The following NDUFS1 variants were observed in gnomAD, a reference collection of about 807,000 sequenced individuals.
NDUFS1 encodes the protein NADH:ubiquinone oxidoreductase core subunit S1, also known as NADH-ubiquinone oxidoreductase 75 kDa subunit, mitochondrial.
Under a neutral mutation model 84.4 loss-of-function variants are expected in NDUFS1, and 61 were observed. The ratio of observed to expected loss-of-function variants is 0.72; its 90% CI spans 0.59 to 0.89. NDUFS1 has a LOEUF of 0.89. NDUFS1 is among the 40% of genes least tolerant of loss of function. NDUFS1 has a pLI of 0.00. For synonymous variants in NDUFS1, 275 were observed against 290.0 expected (o/e 0.95, Z 0.53); for missense variants, 891 against 890.0 (o/e 1.00, Z -0.01).
chr2:206,153,326 G>C (rs1351392156), intron 2 of NDUFS1, among the ~76,000 whole-genome samples: 1 of 151,712 alleles, frequency 6.6e-6, no homozygotes, highest in East Asian at 1.9e-4. Context: ...CTCCTGTGTA[G>C]CTGGGATTAC....
At chr2:206,126,654 T>C in intron 17 of NDUFS1, 43 bp from the exon 18 acceptor site, 1 of 1,614,086 alleles carries the variant, frequency 6.2e-7, no homozygotes, top group African/African-American at 1.3e-5. Context: ...GGAAAACTAG[T>C]ACTGTTACAC....
chr2:206,116,409 C>A lies in NDUFS1; in HGVS notation c.*7776G>T. On this transcript the variant is annotated 3_prime_UTR_variant, in exon 19 of 19. Transcript: ENST00000233190. Reference sequence around the variant, plus strand: ...CCAGACGGCGCCCATCCCAAGCTGCCAGGGCCTCGATAGGCAGGGCGCGGC... The same window carrying A: ...CCAGACGGCGCCCATCCCAAGCTGCAAGGGCCTCGATAGGCAGGGCGCGGC... 1.2e-6 allele frequency: 1 copy of A among 812,176 alleles called. No homozygotes were observed. The highest frequency in any genetic ancestry group is 2.1e-6 in the Non-Finnish European group (1 of 479,316). 50.3% of individuals were successfully genotyped at this position (812,176 alleles called of 1,614,324 possible).
Position 206,127,842 on chromosome 2 carries a change from A to G in NDUFS1, c.1839T>C (p.Pro613=), listed in dbSNP as rs1370146879. ...TTTTCCAGTCTTCTCTTGCCAAGCCAGGAGGTGTCACTGCTACCTTAGTCT... is the reference window on the plus strand; with the variant it reads ...TTTTCCAGTCTTCTCTTGCCAAGCCGGGAGGTGTCACTGCTACCTTAGTCT... ...AQQTKVAVTP[P]GLAREDWKII... is the part of the protein sequence containing the mutation. Residue 613 remains proline, a synonymous_variant, in exon 16 of 19, where the codon CCT becomes CCC. Coordinates refer to ENST00000233190, the MANE Select transcript of NDUFS1 (RefSeq NM_005006.7). The G allele has an allele frequency of 1.2e-6, 2 of 1,614,150 alleles. No individual in the cohort carries two copies. The highest frequency in any genetic ancestry group is 1.7e-5 in the Admixed American group (1 of 60,020).
chr2:206,143,944 A>T, intron 10 of NDUFS1, 74 bp downstream of exon 10: 1 of 1,170,818 alleles, frequency 8.5e-7, no homozygotes, highest in Non-Finnish European at 1.2e-6. Flanking sequence ...AGAAATATAC[A>T]TCCCCCCCTT....
rs1489553001 is a variant in NDUFS1 at position 206,140,340 on chromosome 2, C to A, written c.1262+1601G>T. On this transcript the variant is annotated intron_variant, in intron 12 of 18. Coordinates refer to ENST00000233190, the MANE Select transcript of NDUFS1 (RefSeq NM_005006.7). Reference sequence around the variant, plus strand: ...CCTTAGCCTGTGTGGCAGAGCAAGACCCCTAACACAAAAACTAGCTGGACG... The same window carrying A: ...CCTTAGCCTGTGTGGCAGAGCAAGAACCCTAACACAAAAACTAGCTGGACG... Among the ~76,000 whole-genome samples the A allele has an allele frequency of 2.6e-5, 4 of 152,054 alleles. No individual in the cohort carries two copies. In the East Asian group the frequency reaches 7.8e-4, roughly 30 times the overall value.
intron 18 of NDUFS1, among the ~76,000 whole-genome samples, chr2:206,125,884 T>C (rs888102642): frequency 2.0e-5 from 3 of 152,160 alleles, no homozygotes; most frequent in Non-Finnish European, 2.9e-5. Flanking sequence ...ATAAATACCA[T>C]AGAAGTGATT....
intron 15 of NDUFS1, 91 bp from the exon 16 acceptor site, chr2:206,128,063 AT>A (rs1691362323): frequency 7.1e-7 from 1 of 1,411,120 alleles, no homozygotes; most frequent in South Asian, 1.2e-5. Flanking sequence ...TTTAAATCCC[AT>A]TTTGTAAAGT....
Position 206,146,886 on chromosome 2 carries a change from CATAAA to C in NDUFS1, c.737+12_737+16del. 6.2e-7 allele frequency: 1 copy of C among 1,610,098 alleles called. No individual in the cohort carries two copies. Among genetic ancestry groups the C allele is most frequent in the African/African-American group, 1.3e-5 (1 of 74,902 alleles). On this transcript the variant is annotated intron_variant, in intron 8 of 18. Coordinates refer to ENST00000233190, the MANE Select transcript of NDUFS1 (RefSeq NM_005006.7). ...AATTAAGGACAAAAAAACAAATTGTCATAAAATAAAAGATACCTTGTTTCCCAAGG... is the reference window on the plus strand; with the variant it reads ...AATTAAGGACAAAAAAACAAATTGTCATAAAAGATACCTTGTTTCCCAAGG...
At chr2:206,136,144 G>A (rs925341932) in intron 13 of NDUFS1, among the ~76,000 whole-genome samples, 1 of 151,058 alleles carries the variant, frequency 6.6e-6, no homozygotes, top group Non-Finnish European at 1.5e-5. Context: ...TCTGCCTCCT[G>A]GGTTCAAGTG....
rs572040180 is a variant in NDUFS1, at chr2:206,115,521, T to C, written c.*8664A>G. ...TGCTGGCACCTGATCATGGTCTTCC[T>C]GGCCTCCAGAATTGTAAGAAGTAAA... On this transcript the variant is annotated 3_prime_UTR_variant, in exon 19 of 19. Coordinates refer to ENST00000233190, the MANE Select transcript of NDUFS1 (RefSeq NM_005006.7). 3 of 191,296 alleles carry C rather than the reference T, an allele frequency of 1.6e-5. No individual in the cohort carries two copies. Among genetic ancestry groups the C allele is most frequent in the Non-Finnish European group, 3.2e-5 (3 of 94,782 alleles). 11.8% of individuals were successfully genotyped at this position (191,296 alleles called of 1,614,324 possible).
At chr2:206,138,255 T>C (rs959356256) in intron 13 of NDUFS1, among the ~76,000 whole-genome samples, 1 of 152,172 alleles carries the variant, frequency 6.6e-6, no homozygotes, top group Non-Finnish European at 1.5e-5. Flanking sequence ...CTTTGGTTTG[T>C]ATTTTAGTAG....
chr2:206,158,490 G>A (rs1161710981), intron 1 of NDUFS1, among the ~76,000 whole-genome samples: 1 of 152,072 alleles, frequency 6.6e-6, no homozygotes, highest in South Asian at 2.1e-4. Flanking sequence ...TTTCTGGCTC[G>A]TAGTAAATGT....
At chr2:206,146,465 G>C (rs774062274) in intron 8 of NDUFS1, among the ~76,000 whole-genome samples, 21 of 152,040 alleles carry the variant, frequency 1.4e-4, no homozygotes, top group Non-Finnish European at 2.1e-4. Context: ...GGTTTAATCA[G>C]GAGAATGAGA....
At chr2:206,136,874 G>C (rs764691852) in intron 13 of NDUFS1, among the ~76,000 whole-genome samples, 21 of 151,776 alleles carry the variant, frequency 1.4e-4, no homozygotes, top group Non-Finnish European at 2.5e-4. Flanking sequence ...TCCTGCCTCA[G>C]CCTCCTGAGT....
intron 15 of NDUFS1, among the ~76,000 whole-genome samples, chr2:206,129,240 A>C (rs1559044053): frequency 6.6e-6 from 1 of 152,108 alleles, no homozygotes; most frequent in Non-Finnish European, 1.5e-5. Context: ...AGGACTAAAA[A>C]CAGGATTTTA....
intron 1 of NDUFS1, among the ~76,000 whole-genome samples, chr2:206,157,705 C>T (rs2105778396): frequency 6.6e-6 from 1 of 152,254 alleles, no homozygotes; most frequent in East Asian, 1.9e-4. Context: ...AAGCATAGCC[C>T]AACATAAGAA....
intron 10 of NDUFS1, among the ~76,000 whole-genome samples, chr2:206,143,178 G>C (rs1692029032): frequency 6.6e-6 from 1 of 152,208 alleles, no homozygotes; most frequent in African/African-American, 2.4e-5. Context: ...CTTGAACCAA[G>C]GAGGCAGAGG....
intron 18 of NDUFS1, 118 bp downstream of exon 18, chr2:206,126,421 T>C (rs967147118): frequency 3.8e-5 from 37 of 969,650 alleles, no homozygotes; most frequent in Non-Finnish European, 4.8e-6. Context: ...TTGAAAACCT[T>C]CAAAGATTAA....
At chr2:206,142,516 A>G (rs1036663106) in intron 11 of NDUFS1, among the ~76,000 whole-genome samples, 170 bp downstream of exon 11, 3 of 152,202 alleles carry the variant, frequency 2.0e-5, no homozygotes, top group Non-Finnish European at 4.4e-5. Flanking sequence ...TGCCTGAGAT[A>G]CTTAGTGATA....
Sources: allele counts gnomAD v4.1 joint callset (sites outside exome capture counted in the v4.1 genomes callset), GRCh38; gene constraint gnomAD v4.1.1; transcripts MANE v1.5; gene names NCBI Gene and HGNC (gene_info 2026-07-23, HGNC 2026-07-21).